The following FANCB variants were observed in gnomAD, a reference collection of about 807,000 sequenced individuals.
FANCB encodes the protein FA complementation group B.
In FANCB, 5 loss-of-function variants were observed where a neutral mutation model predicts 38.9. That is an observed-to-expected ratio of 0.13 (90% CI 0.07 to 0.27). The LOEUF is 0.27. Among genes scored for constraint, FANCB ranks in the 10% least tolerant of loss-of-function variants. The pLI, the probability that FANCB is intolerant of heterozygous loss-of-function variation, is 1.00. For missense variants in FANCB, 573 were observed against 602.7 expected, an observed-to-expected ratio of 0.95 and a Z score of 0.52; for synonymous variants, 236 against 215.4, an observed-to-expected ratio of 1.10 and a Z score of -0.84.
the FANCB span, among the ~76,000 whole-genome samples, chrX:14,781,858 A>T: frequency 8.9e-6 from 1 of 112,390 alleles, no homozygotes; most frequent in Admixed American, 9.4e-5. Flanking sequence ...AAGGTCACTC[A>T]CAAGCTATAA....
chrX:14,710,152 G>T, the FANCB span, among the ~76,000 whole-genome samples: 14 of 111,529 alleles, frequency 1.3e-4, no homozygotes, highest in African/African-American at 4.2e-4. Flanking sequence ...AGACATCGAG[G>T]GCCAGACCAA....
chrX:14,816,034 G>C, the FANCB span, among the ~76,000 whole-genome samples: 2 of 111,562 alleles, frequency 1.8e-5, no homozygotes, highest in Non-Finnish European at 3.8e-5. Flanking sequence ...GGAGGTGAGC[G>C]AGGGATGAGA....
chrX:14,835,160 C>A (rs1392428955), downstream of FANCB: 1 of 533,059 alleles, frequency 1.9e-6, no homozygotes, highest in Non-Finnish European at 3.4e-6. Context: ...TGCAGTTCAT[C>A]CTTTGCACCA....
the FANCB span, chrX:14,690,696 T>C: frequency 8.9e-7 from 1 of 1,121,572 alleles, no homozygotes; most frequent in Non-Finnish European, 1.2e-6. Flanking sequence ...TGTGTGTCTC[T>C]CTCTCTCTCT....
At chrX:14,833,273 G>A (rs756536895), downstream of FANCB, among the ~76,000 whole-genome samples, 39 of 111,954 alleles carry the variant, frequency 3.5e-4, no homozygotes, top group African/African-American at 8.1e-4. Context: ...AGAACACATC[G>A]GATGGTGAGG....
At chrX:14,821,145 T>A in the FANCB span, among the ~76,000 whole-genome samples, 1 of 111,459 alleles carries the variant, frequency 9.0e-6, no homozygotes, top group Non-Finnish European at 1.9e-5. Flanking sequence ...GCTATAAAGA[T>A]AAAAGTAAAT....
the FANCB span, among the ~76,000 whole-genome samples, chrX:14,813,787 G>A: frequency 9.0e-6 from 1 of 111,550 alleles, no homozygotes; most frequent in African/African-American, 3.3e-5. Context: ...TCCCCATCAA[G>A]CTACCAATGC....
chrX:14,690,030 TTTAA>T, the FANCB span, among the ~76,000 whole-genome samples: 12 of 112,235 alleles, frequency 1.1e-4, no homozygotes, highest in African/African-American at 3.6e-4. Context: ...TTGAATACTC[TTTAA>T]TTGTGAGGAT....
intron 4 of FANCB, 87 bp from the exon 5 acceptor site, chrX:14,858,041 G>A: frequency 1.7e-6 from 1 of 604,636 alleles, no homozygotes; most frequent in Non-Finnish European, 2.7e-6. Context: ...TACAATTAAA[G>A]TATATCCAGT....
At chrX:14,859,404 C>T in intron 3 of FANCB, 70 bp from the exon 4 acceptor site, 2 of 778,395 alleles carry the variant, frequency 2.6e-6, no homozygotes. Flanking sequence ...TAAATTAAGT[C>T]CTTTTGTTTC....
intron 1 of FANCB, among the ~76,000 whole-genome samples, chrX:14,870,114 C>G (rs913730124): frequency 9.0e-6 from 1 of 111,567 alleles, no homozygotes; most frequent in Non-Finnish European, 1.9e-5. Flanking sequence ...TTTTTCCCAG[C>G]TTTATTGAGG....
chrX:14,850,744 A>G, intron 6 of FANCB, 70 bp from the exon 7 acceptor site: 1 of 662,075 alleles, frequency 1.5e-6, no homozygotes, highest in Non-Finnish European at 2.3e-6. Context: ...AAAAAAAAAA[A>G]AGTTAAGTGT....
At chrX:14,862,956 A>G (rs898792062) in intron 3 of FANCB, among the ~76,000 whole-genome samples, 87 of 112,527 alleles carry the variant, frequency 7.7e-4, no homozygotes, top group African/African-American at 2.8e-3. Context: ...AAAGGAAAAG[A>G]GAATGGAAAA....
chrX:14,872,537 A>C (rs2092503556), intron 1 of FANCB, among the ~76,000 whole-genome samples: 1 of 109,265 alleles, frequency 9.2e-6, no homozygotes, highest in South Asian at 4.0e-4. Context: ...GTCTCTATCC[A>C]CTAGTAGCCA....
the FANCB span, among the ~76,000 whole-genome samples, chrX:14,733,370 T>C: frequency 8.9e-6 from 1 of 112,043 alleles, no homozygotes; most frequent in Admixed American, 9.5e-5. Context: ...TTTGGTTCCA[T>C]ATGAAATTTA....
chrX:14,825,153 CTTTG>C, the FANCB span, among the ~76,000 whole-genome samples: 2 of 112,204 alleles, frequency 1.8e-5, no homozygotes, highest in Admixed American at 9.5e-5. Context: ...ATGACTTTGC[CTTTG>C]TTTATCTGAT....
At chrX:14,738,450 C>T in the FANCB span, among the ~76,000 whole-genome samples, 2 of 111,568 alleles carry the variant, frequency 1.8e-5, no homozygotes, top group Non-Finnish European at 3.8e-5. Flanking sequence ...ACTGGTTATC[C>T]GCAATGCCTG....
At chrX:14,730,069 A>G in the FANCB span, 5 of 502,272 alleles carry the variant, frequency 1.0e-5, no homozygotes, top group Non-Finnish European at 1.4e-5. Context: ...TGAACTTGAA[A>G]GAGAACTCGC....
the FANCB span, among the ~76,000 whole-genome samples, chrX:14,775,203 A>G: frequency 4.5e-5 from 3 of 66,284 alleles, no homozygotes; most frequent in East Asian, 1.2e-3. Context: ...TGGTACCGTC[A>G]TTCTGACTTT....
Sources: gnomAD v4.1 joint callset for allele counts (sites outside exome capture counted in the v4.1 genomes callset) on GRCh38, gnomAD v4.1.1 for gene constraint, MANE v1.5 for transcripts, NCBI Gene and HGNC (gene_info 2026-07-23, HGNC 2026-07-21) for gene names.